SCAPER: variants seen among roughly 807,000 people sequenced by gnomAD.
SCAPER encodes S-phase cyclin A associated protein in the ER.
A neutral mutation model predicts 182.2 loss-of-function variants in SCAPER; 98 were observed. The ratio of observed to expected loss-of-function variants is 0.54; its 90% CI spans 0.46 to 0.64. The LOEUF is 0.64. Among genes scored for constraint, SCAPER ranks in the 30% least tolerant of loss-of-function variants. The probability of loss-of-function intolerance (pLI) is 0.00; values close to 1 mark genes in which losing one functional copy is unlikely to be tolerated. For missense variants in SCAPER, 1,432 were observed against 1,690.0 expected (o/e 0.85, Z 2.68); for synonymous variants, 605 against 564.6 (o/e 1.07, Z -1.01).
rs1342657402 is a variant in SCAPER, at chr15:76,652,289, T to A, written c.2645+13364A>T. On this transcript the variant is annotated intron_variant, in intron 21 of 31. Transcript: ENST00000563290. ...AAAAAAAAAAATATATATATATATATATATATATATATATATATATACACA... is the reference window on the plus strand; with the variant it reads ...AAAAAAAAAAATATATATATATATAAATATATATATATATATATATACACA... Among the ~76,000 whole-genome samples, 116 of 21,786 alleles carry A rather than the reference T, an allele frequency of 5.3e-3. 10 individuals are homozygous for A. Among genetic ancestry groups the A allele is most frequent in the East Asian group, 0.015 (9 of 590 alleles). 14.3% of individuals were successfully genotyped at this position (21,786 alleles called of 152,430 possible).
At chr15:76,691,848 C>T (rs1302538122) in intron 20 of SCAPER, among the ~76,000 whole-genome samples, 6 of 152,114 alleles carry the variant, frequency 3.9e-5, no homozygotes, top group South Asian at 2.1e-4. Context: ...CAAACAGATA[C>T]TAAATAAATG....
chr15:76,446,726 T>C (rs1040272818), intron 25 of SCAPER, among the ~76,000 whole-genome samples: 2 of 152,170 alleles, frequency 1.3e-5, no homozygotes, highest in East Asian at 3.8e-4. Flanking sequence ...TATCCTGAAG[T>C]AGACAAATTC....
chr15:76,817,282 A>C (rs2067162509), intron 5 of SCAPER, among the ~76,000 whole-genome samples: 1 of 152,258 alleles, frequency 6.6e-6, no homozygotes, highest in African/African-American at 2.4e-5. Flanking sequence ...ATAAACCTCA[A>C]GGACATTGTG....
chr15:76,438,246 C>T (rs2142606828), intron 25 of SCAPER, among the ~76,000 whole-genome samples: 1 of 143,034 alleles, frequency 7.0e-6, no homozygotes, highest in East Asian at 2.1e-4. Flanking sequence ...CGTGCCATTG[C>T]ACTCCAGTCT....
chr15:76,634,713 T>C (rs1007515945), intron 21 of SCAPER, among the ~76,000 whole-genome samples: 4 of 152,190 alleles, frequency 2.6e-5, no homozygotes, highest in Non-Finnish European at 4.4e-5. Flanking sequence ...CATTGCCAAA[T>C]GTAATTGCTT....
At chr15:76,431,834 G>C (rs538800913) in intron 26 of SCAPER, among the ~76,000 whole-genome samples, 1 of 152,192 alleles carries the variant, frequency 6.6e-6, no homozygotes, top group African/African-American at 2.4e-5. Context: ...ATCAGAGAAA[G>C]ACTGGCATGG....
intron 5 of SCAPER, among the ~76,000 whole-genome samples, chr15:76,821,640 C>T (rs981663236): frequency 6.6e-6 from 1 of 151,560 alleles, no homozygotes; most frequent in Non-Finnish European, 1.5e-5. Flanking sequence ...AAACAAAACA[C>T]CACAGTGGGG....
At chr15:76,497,886 G>T (rs1227002440) in intron 24 of SCAPER, among the ~76,000 whole-genome samples, 1 of 150,864 alleles carries the variant, frequency 6.6e-6, no homozygotes, top group Admixed American at 6.6e-5. Context: ...AGCTACTCGG[G>T]AGGCTGAGGC....
At chr15:76,468,389 T>C (rs980233914) in intron 25 of SCAPER, among the ~76,000 whole-genome samples, 2 of 152,142 alleles carry the variant, frequency 1.3e-5, no homozygotes, top group Admixed American at 1.3e-4. Flanking sequence ...GCAAAATTCA[T>C]GGGCAGAATA....
chr15:76,386,101 G>C (rs1348307265), intron 27 of SCAPER, among the ~76,000 whole-genome samples: 1 of 152,162 alleles, frequency 6.6e-6, no homozygotes, highest in Non-Finnish European at 1.5e-5. Flanking sequence ...TTCAAAGCCA[G>C]CAACAGAGCA....
intron 23 of SCAPER, among the ~76,000 whole-genome samples, chr15:76,537,589 A>G (rs1201567455): frequency 6.6e-6 from 1 of 152,186 alleles, no homozygotes; most frequent in Non-Finnish European, 1.5e-5. Flanking sequence ...AAAGACTTAA[A>G]GGTTAGACCT....
chr15:76,431,341 T>C (rs1024910530), intron 26 of SCAPER, among the ~76,000 whole-genome samples: 6 of 152,290 alleles, frequency 3.9e-5, no homozygotes, highest in African/African-American at 1.4e-4. Flanking sequence ...GTGGCCATAC[T>C]TTGAATTGAA....
intron 20 of SCAPER, among the ~76,000 whole-genome samples, chr15:76,686,966 A>T (rs1458277296): frequency 6.6e-6 from 1 of 152,178 alleles, no homozygotes; most frequent in Non-Finnish European, 1.5e-5. Flanking sequence ...GCATATTAAT[A>T]CCAGACAAAA....
At chr15:76,857,395 T>C (rs947240487) in intron 4 of SCAPER, among the ~76,000 whole-genome samples, 1 of 147,674 alleles carries the variant, frequency 6.8e-6, no homozygotes, top group Non-Finnish European at 1.5e-5. Flanking sequence ...ATCACACCAC[T>C]GCACTCCAGC....
At chr15:76,452,027 TTC>T (rs931503438) in intron 25 of SCAPER, among the ~76,000 whole-genome samples, 3 of 152,216 alleles carry the variant, frequency 2.0e-5, no homozygotes, top group South Asian at 2.1e-4. Flanking sequence ...AACCTCCCTC[TTC>T]TCTCTGTCTC....
rs377454410 is a variant in SCAPER, at chr15:76,696,716, AAAT to A, written c.2508+5039_2508+5041del. On this transcript the variant is annotated intron_variant, in intron 20 of 31. Transcript: ENST00000563290. ...GGACCACAAAGATATCAAGTACTAA[AAAT>A]AATACTTCATTGATTTATTTAGCAA... Among the ~76,000 whole-genome samples, 287 of 152,306 alleles carry A rather than the reference AAAT, an allele frequency of 1.9e-3. 2 individuals are homozygous for A. The highest frequency in any genetic ancestry group is 6.7e-3 in the African/African-American group (278 of 41,578).
chr15:76,417,815 C>T lies in SCAPER; in HGVS notation c.3312-13136G>A, dbSNP rs971345069. ...TGGGCGGATCACGAGGTCAAGAGATCGAGGCCATCCTGGCCAACATGGTGA... is the reference window on the plus strand; with the variant it reads ...TGGGCGGATCACGAGGTCAAGAGATTGAGGCCATCCTGGCCAACATGGTGA... On this transcript the variant is annotated intron_variant, in intron 26 of 31. Coordinates refer to ENST00000563290, the MANE Select transcript of SCAPER (RefSeq NM_020843.4). Among the ~76,000 whole-genome samples the T allele has an allele frequency of 2.6e-5, 4 of 152,212 alleles. No individual in the cohort carries two copies. In the East Asian group the frequency reaches 5.8e-4, roughly 22 times the overall value.
At chr15:76,804,691 GAA>G (rs2066025629) in intron 5 of SCAPER, 58 bp from the exon 6 acceptor site, 14 of 1,075,722 alleles carry the variant, frequency 1.3e-5, no homozygotes, top group Middle Eastern at 2.1e-4. Context: ...AAACTTTGAA[GAA>G]AAAAAAGAGT....
chr15:76,577,432 G>C (rs1229996797), intron 22 of SCAPER, among the ~76,000 whole-genome samples: 2 of 151,968 alleles, frequency 1.3e-5, no homozygotes, highest in Non-Finnish European at 2.9e-5. Flanking sequence ...GGGTGAAAAA[G>C]CAATACCCTG....
Sources: gnomAD v4.1 joint callset for allele counts (sites outside exome capture counted in the v4.1 genomes callset) on GRCh38, gnomAD v4.1.1 for gene constraint, MANE v1.5 for transcripts, NCBI Gene and HGNC (gene_info 2026-07-23, HGNC 2026-07-21) for gene names.